The following LTBP1 variants were observed in gnomAD, a reference collection of about 807,000 sequenced individuals.
LTBP1 encodes the protein latent transforming growth factor beta binding protein 1.
LTBP1 carries 129 observed loss-of-function variants against 207.6 expected under a neutral mutation model. The observed-to-expected ratio is 0.62, with a 90% CI of 0.54 to 0.72. The LOEUF (loss-of-function observed/expected upper bound fraction) is 0.72, where lower values mean the gene tolerates loss of function less well. Ranked by LOEUF, LTBP1 falls within the 30% of genes least tolerant of loss-of-function variation. The pLI is 0.00. For missense variants in LTBP1, 2,281 were observed against 2,217.2 expected (o/e 1.03, Z -0.58); for synonymous variants, 963 against 833.7 (o/e 1.16, Z -2.67).
intron 24 of LTBP1, among the ~76,000 whole-genome samples, chr2:33,342,079 C>T (rs1349989328): frequency 2.6e-5 from 4 of 151,930 alleles, no homozygotes; most frequent in Admixed American, 6.6e-5. Flanking sequence ...AATTAGTAAC[C>T]GTAAGAATAA....
At chr2:33,205,741 G>A (rs1475590097) in intron 7 of LTBP1, among the ~76,000 whole-genome samples, 2 of 152,126 alleles carry the variant, frequency 1.3e-5, no homozygotes, top group Non-Finnish European at 2.9e-5. Context: ...ATATGTTGAA[G>A]CCCCAAACCC....
intron 8 of LTBP1, among the ~76,000 whole-genome samples, chr2:33,219,337 G>A (rs369104062): frequency 2.1e-4 from 32 of 152,256 alleles, no homozygotes; most frequent in African/African-American, 7.5e-4. Context: ...ATGGTTCATC[G>A]TCACTGGAAG....
At chr2:33,147,442 C>T (rs1011949530) in intron 5 of LTBP1, among the ~76,000 whole-genome samples, 2 of 152,144 alleles carry the variant, frequency 1.3e-5, no homozygotes, top group African/African-American at 2.4e-5. Context: ...CTGTGGATCA[C>T]TCTGTGAGTT....
chr2:33,113,504 A>G (rs2080535303), intron 4 of LTBP1, among the ~76,000 whole-genome samples: 1 of 152,230 alleles, frequency 6.6e-6, no homozygotes, highest in African/African-American at 2.4e-5. Flanking sequence ...CCAAGTTGCT[A>G]GTGAGGTGCT....
intron 28 of LTBP1, 150 bp downstream of exon 28, chr2:33,361,665 C>T (rs1308078228): frequency 1.9e-6 from 1 of 533,438 alleles, no homozygotes; most frequent in Non-Finnish European, 3.2e-6. Context: ...AAAGAAAGTC[C>T]CCATGGACTT....
chr2:33,137,667 T>C (rs2082254815), intron 5 of LTBP1, among the ~76,000 whole-genome samples: 1 of 152,082 alleles, frequency 6.6e-6, no homozygotes, highest in African/African-American at 2.4e-5. Context: ...AGAAATAATT[T>C]CCAACATTTG....
chr2:33,075,134 G>C (rs905904330), intron 3 of LTBP1, among the ~76,000 whole-genome samples: 1 of 152,136 alleles, frequency 6.6e-6, no homozygotes, highest in Admixed American at 6.5e-5. Context: ...GATAGATGGG[G>C]CTGGAGAGAG....
chr2:33,247,807 T>C (rs2092558777), intron 10 of LTBP1, among the ~76,000 whole-genome samples: 1 of 152,274 alleles, frequency 6.6e-6, no homozygotes, highest in Non-Finnish European at 1.5e-5. Flanking sequence ...ATGTGGCTAG[T>C]GCCTAACATA....
rs145091332 is a variant in LTBP1, at chr2:33,013,074, C to T, written c.566-7835C>T. On this transcript the variant is annotated intron_variant, in intron 2 of 33. Coordinates refer to ENST00000404816, the MANE Select transcript of LTBP1 (RefSeq NM_206943.4). ...TTAAATTTTTTCTTGGCACAAATAG[C>T]GCTGCTGTGGACACCTACATATATG... Among the ~76,000 whole-genome samples the T allele has an allele frequency of 3.7e-3, 565 of 152,240 alleles. 4 individuals are homozygous for T. Among genetic ancestry groups the T allele is most frequent in the African/African-American group, 0.013 (541 of 41,528 alleles).
At chr2:33,321,945 T>A (rs1412166429) in intron 24 of LTBP1, among the ~76,000 whole-genome samples, 1 of 152,228 alleles carries the variant, frequency 6.6e-6, no homozygotes, top group Non-Finnish European at 1.5e-5. Context: ...GTGAATGTAC[T>A]TCTGCAGAAG....
At chr2:33,354,724 A>ACACACACC (rs1553514882) in intron 26 of LTBP1, among the ~76,000 whole-genome samples, 8 of 131,932 alleles carry the variant, frequency 6.1e-5, no homozygotes, top group African/African-American at 2.5e-4. Flanking sequence ...ACACACACAC[A>ACACACACC]CACACCATTG....
intron 3 of LTBP1, among the ~76,000 whole-genome samples, chr2:33,079,895 CT>C (rs2078299686): frequency 1.3e-5 from 2 of 152,170 alleles, no homozygotes; most frequent in South Asian, 4.2e-4. Flanking sequence ...TTCTTTACTC[CT>C]TTTGACTTGC....
chr2:33,305,184 T>C (rs1269378090), intron 22 of LTBP1, among the ~76,000 whole-genome samples: 1 of 150,394 alleles, frequency 6.6e-6, no homozygotes, highest in Non-Finnish European at 1.5e-5. Context: ...ATTATCTGGG[T>C]GTGGCGGCGT....
At chr2:33,165,230 G>A (rs2148250877) in intron 5 of LTBP1, among the ~76,000 whole-genome samples, 1 of 152,278 alleles carries the variant, frequency 6.6e-6, no homozygotes, top group South Asian at 2.1e-4. Flanking sequence ...ATGAAAAGAG[G>A]GAGAGGGACT....
intron 7 of LTBP1, among the ~76,000 whole-genome samples, chr2:33,191,318 A>G (rs2087850525): frequency 6.6e-6 from 1 of 152,248 alleles, no homozygotes. Context: ...TACCCAAATA[A>G]TTAAAACTCT....
rs3769528 is a variant in LTBP1 at position 33,246,125 on chromosome 2, A to G, written c.1999+2341A>G. On this transcript the variant is annotated intron_variant, in intron 10 of 33. Transcript: ENST00000404816. ...TGGTTCAGCTACAACAGCTGAACTG[A>G]TAAGTATTAAGAGACGTTTGTTGCT... is the stretch of plus-strand genomic sequence containing the variant. 0.014 allele frequency among the ~76,000 whole-genome samples: 2,072 copies of G among 152,346 alleles called. 106 individuals carry two copies. In the East Asian group the frequency reaches 0.17, roughly 12 times the overall value.
At chr2:33,007,660 T>C (rs545605956) in intron 2 of LTBP1, among the ~76,000 whole-genome samples, 1 of 152,320 alleles carries the variant, frequency 6.6e-6, no homozygotes, top group Admixed American at 6.5e-5. Context: ...AGAATTCCAA[T>C]AGTAGAAAGA....
Position 33,082,431 on chromosome 2 carries a change from A to AATTTTTTTT in LTBP1, c.864-28151_864-28150insATTTTTTTT, listed in dbSNP as rs2078468929. Among the ~76,000 whole-genome samples the AATTTTTTTT allele has an allele frequency of 2.6e-5, 3 of 116,044 alleles. 1 individual carries two copies. Among genetic ancestry groups the AATTTTTTTT allele is most frequent in the Non-Finnish European group, 3.4e-5 (2 of 58,288 alleles). The allele number at this position is 116,044 out of a possible 152,430, so 76.1% of individuals were successfully genotyped here. A position where few individuals can be genotyped will look rare whatever the true frequency, so the allele number is the denominator to read the frequency against. On this transcript the variant is annotated intron_variant, in intron 3 of 33. Transcript: ENST00000404816. ...GTTAACCGTGGCTAAAGTATGACTC[A>AATTTTTTTT]CTTTTTTTTTTTTTTTTTTTTTTTT...
chr2:33,264,974 C>G (rs947803414), intron 15 of LTBP1, among the ~76,000 whole-genome samples: 8 of 150,006 alleles, frequency 5.3e-5, no homozygotes, highest in African/African-American at 1.0e-4. Flanking sequence ...GAGTCTGAGT[C>G]TGAAGGCCTG....
Sources: allele counts gnomAD v4.1 joint callset (sites outside exome capture counted in the v4.1 genomes callset), GRCh38; gene constraint gnomAD v4.1.1; transcripts MANE v1.5; gene names NCBI Gene and HGNC (gene_info 2026-07-23, HGNC 2026-07-21).